The following SYN3 variants were observed in gnomAD, a reference collection of about 807,000 sequenced individuals.
SYN3 encodes synapsin III, also known as synapsin-3.
In SYN3, 35 loss-of-function variants were observed where a neutral mutation model predicts 65.8. The observed-to-expected ratio is 0.53, with a 90% CI of 0.41 to 0.70. The LOEUF (loss-of-function observed/expected upper bound fraction) is 0.70, where lower values mean the gene tolerates loss of function less well. SYN3 is among the 30% of genes least tolerant of loss of function. The probability of loss-of-function intolerance (pLI) is 0.00; values close to 1 mark genes in which losing one functional copy is unlikely to be tolerated. For synonymous variants in SYN3, 270 were observed against 292.9 expected, an observed-to-expected ratio of 0.92 and a Z score of 0.80; for missense variants, 680 against 749.0, an observed-to-expected ratio of 0.91 and a Z score of 1.08.
intron 4 of SYN3, among the ~76,000 whole-genome samples, chr22:32,926,232 C>T (rs1409616577): frequency 2.0e-5 from 3 of 152,108 alleles, no homozygotes; most frequent in African/African-American, 4.8e-5. Context: ...GACACGAGTA[C>T]AAAAAATACC....
intron 6 of SYN3, among the ~76,000 whole-genome samples, chr22:32,855,723 C>T (rs1044496600): frequency 6.6e-6 from 1 of 152,102 alleles, no homozygotes; most frequent in African/African-American, 2.4e-5. Context: ...GTTTAGCAAC[C>T]TCCCTACCCT....
At chr22:32,787,798 C>T (rs191353224) in intron 6 of SYN3, among the ~76,000 whole-genome samples, 14 of 152,074 alleles carry the variant, frequency 9.2e-5, no homozygotes, top group Non-Finnish European at 1.0e-4. Context: ...TGTGCTCCTC[C>T]GCTGCGGCAC....
At chr22:32,829,990 G>C (rs1349468886) in intron 6 of SYN3, among the ~76,000 whole-genome samples, 4 of 152,126 alleles carry the variant, frequency 2.6e-5, no homozygotes, top group South Asian at 4.1e-4. Context: ...CACTGCACTT[G>C]GACTGATACC....
intron 6 of SYN3, among the ~76,000 whole-genome samples, chr22:32,614,567 T>C (rs981180372): frequency 8.5e-5 from 13 of 152,108 alleles, no homozygotes; most frequent in African/African-American, 3.1e-4. Context: ...AGGTGGGGAC[T>C]CACAGGTCAC....
chr22:32,613,835 C>A (rs541365450), intron 6 of SYN3, among the ~76,000 whole-genome samples: 134 of 152,248 alleles, frequency 8.8e-4, no homozygotes, highest in African/African-American at 3.1e-3. Flanking sequence ...TTCAGCCCTG[C>A]CTAGGGTGCA....
intron 6 of SYN3, among the ~76,000 whole-genome samples, chr22:32,664,677 G>C (rs1434035192): frequency 1.5e-5 from 2 of 137,500 alleles, no homozygotes; most frequent in Non-Finnish European, 3.1e-5. Flanking sequence ...TGCAAGCTCC[G>C]CCTCCTGGGT....
chr22:32,816,541 C>G (rs2047092229), intron 6 of SYN3, among the ~76,000 whole-genome samples: 1 of 152,126 alleles, frequency 6.6e-6, no homozygotes, highest in African/African-American at 2.4e-5. Context: ...GTGAGGAGAA[C>G]AGCAGGCAGT....
intron 3 of SYN3, among the ~76,000 whole-genome samples, chr22:32,950,328 G>A (rs2051252666): frequency 6.6e-6 from 1 of 152,064 alleles, no homozygotes; most frequent in Admixed American, 6.5e-5. Context: ...TAGTCTACTG[G>A]TCAGGAATCA....
At chr22:32,832,953 G>A (rs1001694558) in intron 6 of SYN3, among the ~76,000 whole-genome samples, 2 of 151,920 alleles carry the variant, frequency 1.3e-5, no homozygotes, top group African/African-American at 4.8e-5. Flanking sequence ...GGCTGGTCTC[G>A]CACTCCTGAG....
At chr22:32,625,422 C>T (rs2059652228) in intron 6 of SYN3, among the ~76,000 whole-genome samples, 2 of 152,212 alleles carry the variant, frequency 1.3e-5, no homozygotes, top group Non-Finnish European at 2.9e-5. Context: ...CCACCCCTTT[C>T]TCCCAGCTGG....
At chr22:32,660,602 C>T (rs901071693) in intron 6 of SYN3, among the ~76,000 whole-genome samples, 1 of 152,158 alleles carries the variant, frequency 6.6e-6, no homozygotes, top group African/African-American at 2.4e-5. Context: ...AGGAAAATGG[C>T]GCTAAATGCT....
chr22:32,949,374 C>G (rs2051216294), intron 3 of SYN3, among the ~76,000 whole-genome samples: 1 of 151,704 alleles, frequency 6.6e-6, no homozygotes, highest in African/African-American at 2.4e-5. Flanking sequence ...TATAACTGCA[C>G]CACTGCACTC....
At chr22:32,698,632 A>G (rs982455915) in intron 6 of SYN3, among the ~76,000 whole-genome samples, 4 of 152,214 alleles carry the variant, frequency 2.6e-5, no homozygotes, top group Non-Finnish European at 5.9e-5. Flanking sequence ...AAGTCTGTAA[A>G]GGGCAATGAT....
At chr22:32,868,884 G>T in intron 5 of SYN3, 82 bp downstream of exon 5, 1 of 1,413,920 alleles carries the variant, frequency 7.1e-7, no homozygotes, top group Admixed American at 2.1e-5. Flanking sequence ...AGGCCTCCAT[G>T]CTGGGGAGTG....
At chr22:33,053,601 G>A (rs2054207218) in intron 1 of SYN3, among the ~76,000 whole-genome samples, 1 of 152,196 alleles carries the variant, frequency 6.6e-6, no homozygotes, top group Non-Finnish European at 1.5e-5. Context: ...GTTGGAGAAT[G>A]CCAGGAACCT....
chr22:32,807,371 T>TTATATAA (rs2046781791), intron 6 of SYN3, among the ~76,000 whole-genome samples: 1 of 111,230 alleles, frequency 9.0e-6, no homozygotes, highest in Non-Finnish European at 1.7e-5. Context: ...TAATATATAT[T>TTATATAA]ATATATAATA....
intron 6 of SYN3, among the ~76,000 whole-genome samples, chr22:32,850,734 G>A (rs956552129): frequency 6.6e-6 from 1 of 152,154 alleles, no homozygotes; most frequent in Non-Finnish European, 1.5e-5. Flanking sequence ...ATTAGGGTAG[G>A]ACCTGGCATG....
chr22:32,690,535 T>C (rs1314617008), intron 6 of SYN3, among the ~76,000 whole-genome samples: 1 of 152,158 alleles, frequency 6.6e-6, no homozygotes, highest in Non-Finnish European at 1.5e-5. Flanking sequence ...GTCACTCTCA[T>C]GGGAGCAGCA....
chr22:32,994,029 C>A (rs938300663), intron 2 of SYN3, among the ~76,000 whole-genome samples: 1 of 152,082 alleles, frequency 6.6e-6, no homozygotes, highest in African/African-American at 2.4e-5. Flanking sequence ...CTGTTCCCCC[C>A]TCCTCCCCGA....
Sources: allele counts gnomAD v4.1 joint callset (sites outside exome capture counted in the v4.1 genomes callset), GRCh38; gene constraint gnomAD v4.1.1; transcripts MANE v1.5; gene names NCBI Gene and HGNC (gene_info 2026-07-23, HGNC 2026-07-21).